REPS1: variants seen among roughly 807,000 people sequenced by gnomAD.
REPS1 encodes the protein RALBP1 associated Eps domain containing 1, also known as ralBP1-associated Eps domain-containing protein 1.
A neutral mutation model predicts 100.9 loss-of-function variants in REPS1; 39 were observed. That is an observed-to-expected ratio of 0.39 (90% CI 0.30 to 0.50). The LOEUF (loss-of-function observed/expected upper bound fraction) is 0.50, where lower values mean the gene tolerates loss of function less well. REPS1 is among the 20% of genes least tolerant of loss of function. The pLI, the probability that REPS1 is intolerant of heterozygous loss-of-function variation, is 0.86. For synonymous variants in REPS1, 324 were observed against 340.3 expected, an observed-to-expected ratio of 0.95 and a Z score of 0.53; for missense variants, 821 against 968.5, an observed-to-expected ratio of 0.85 and a Z score of 2.02.
chr6:138,945,287 C>T lies in REPS1; in HGVS notation c.560G>A (p.Gly187Asp). The T allele has an allele frequency of 1.2e-6, 2 of 1,611,748 alleles. No homozygotes were observed. The highest frequency in any genetic ancestry group is 1.7e-6 in the Non-Finnish European group (2 of 1,179,506). ...CGCGAGAGGCCTCTCACTATTCCCA[C>T]CGCTGGGATGACGGCTGTGCTTCCT... is the stretch of plus-strand genomic sequence containing the variant. Reference protein sequence around the residue: ...TWRKHSRHPSGGNSERPLAGP... With the variant: ...TWRKHSRHPSDGNSERPLAGP... The change falls in exon 4 of 20, where the codon GGT (glycine) becomes GAT (aspartate). Residue 187 changes from glycine (G) to aspartate (D), a missense_variant. Around this residue, in one of 3 missense-constraint regions of REPS1, gnomAD observed 757 missense variants for 866.4 expected, o/e 0.87. Transcript: ENST00000450536.
intron 1 of REPS1, among the ~76,000 whole-genome samples, chr6:138,971,864 A>G (rs903190286): frequency 2.0e-5 from 3 of 152,206 alleles, no homozygotes; most frequent in South Asian, 2.1e-4. Context: ...GCTTTAAGTC[A>G]TCATCCCAAT....
In REPS1 at chr6:138,944,573, A is replaced by C; in HGVS notation, c.678T>G (p.Pro226=). 1 of 1,614,050 alleles carries C rather than the reference A, an allele frequency of 6.2e-7. No homozygotes were observed. The change falls in exon 5 of 20, where the codon CCT becomes CCG. Residue 226 remains proline (P), a synonymous_variant. Coordinates refer to ENST00000450536, the MANE Select transcript of REPS1 (RefSeq NM_001286611.2). ...AVWSGHSPPP[P]QENWVSFADT... is the part of the protein sequence containing the mutation. ...CTGCAAAACTGACCCAGTTTTCTTG[A>C]GGTGGAGGTGGGGAATGCCCTGACC...
Position 138,921,129 on chromosome 6 carries a change from A to C in REPS1, c.1339-5T>G. The C allele has an allele frequency of 7.0e-6, 11 of 1,563,142 alleles. No homozygotes were observed. The highest frequency in any genetic ancestry group is 9.6e-6 in the Non-Finnish European group (11 of 1,140,994). The stretch of plus-strand genomic sequence containing the variant: ...TGGATGAACAATAGCAGTATCCTAG[A>C]GACAAATGGGAGGAAATAAAGAATT... On this transcript the variant is annotated splice_polypyrimidine_tract_variant and splice_region_variant and intron_variant, in intron 10 of 19. Transcript: ENST00000450536.
intron 2 of REPS1, among the ~76,000 whole-genome samples, chr6:138,947,070 CTCTCT>C (rs1782675389): frequency 1.5e-5 from 2 of 129,902 alleles, no homozygotes; most frequent in Non-Finnish European, 3.4e-5. Context: ...CTCTCTCTCT[CTCTCT>C]CCTGTGGCCA....
intron 1 of REPS1, among the ~76,000 whole-genome samples, chr6:138,967,989 T>C (rs925782668): frequency 2.0e-5 from 3 of 152,160 alleles, no homozygotes; most frequent in Non-Finnish European, 4.4e-5. Context: ...TAACTTACGA[T>C]GGGGTCACAT....
At chr6:138,932,717 T>G (rs2128460320) in intron 8 of REPS1, among the ~76,000 whole-genome samples, 1 of 152,368 alleles carries the variant, frequency 6.6e-6, no homozygotes, top group South Asian at 2.1e-4. Context: ...AACACCATTT[T>G]TCCTGAAAGA....
intron 8 of REPS1, among the ~76,000 whole-genome samples, chr6:138,937,998 T>C (rs963191911): frequency 8.2e-5 from 9 of 109,470 alleles, no homozygotes; most frequent in Non-Finnish European, 1.8e-4. Flanking sequence ...TAGCAGGTCA[T>C]CTTAATCTTT....
At chr6:138,973,770 T>C (rs1784459340) in intron 1 of REPS1, among the ~76,000 whole-genome samples, 1 of 151,862 alleles carries the variant, frequency 6.6e-6, no homozygotes, top group Non-Finnish European at 1.5e-5. Context: ...AAATGAATTA[T>C]CATATATAAA....
At chr6:138,948,042 A>T (rs1782752882) in intron 1 of REPS1, 129 bp from the exon 2 acceptor site, 1 of 657,644 alleles carries the variant, frequency 1.5e-6, no homozygotes, top group Non-Finnish European at 2.2e-6. Flanking sequence ...CTCACAACTG[A>T]CAACCAACTT....
intron 8 of REPS1, among the ~76,000 whole-genome samples, chr6:138,936,643 G>A (rs567679862): frequency 2.0e-5 from 3 of 151,426 alleles, no homozygotes; most frequent in African/African-American, 4.9e-5. Context: ...AGAGGTGGGA[G>A]GTAATTTCTT....
intron 10 of REPS1, among the ~76,000 whole-genome samples, chr6:138,924,986 A>C (rs1384186559): frequency 6.6e-6 from 1 of 152,226 alleles, no homozygotes; most frequent in African/African-American, 2.4e-5. Context: ...AAAATTGTAC[A>C]TTATCTGTTT....
chr6:138,919,246 A>T (rs1780599321), intron 12 of REPS1, among the ~76,000 whole-genome samples: 2 of 152,108 alleles, frequency 1.3e-5, no homozygotes, highest in African/African-American at 2.4e-5. Context: ...CAATGTACAC[A>T]ATATAGCCAG....
intron 1 of REPS1, among the ~76,000 whole-genome samples, chr6:138,961,386 G>A (rs780038161): frequency 2.6e-5 from 4 of 152,018 alleles, no homozygotes; most frequent in Non-Finnish European, 4.4e-5. Context: ...ACAGACGCCC[G>A]CCACCACGCC....
Position 138,945,498 on chromosome 6 carries a change from T to C in REPS1, c.474+3A>G, listed in dbSNP as rs755482030. 1.9e-6 allele frequency: 3 copies of C among 1,596,438 alleles called. No homozygotes were observed. The highest frequency in any genetic ancestry group is 2.7e-5 in the African/African-American group (2 of 74,220). ...CTGCTAATATTTACATGCATGTGAT[T>C]ACCTGTGCATCTGCAGATGTACGAG... On this transcript the variant is annotated splice_donor_region_variant and intron_variant, in intron 3 of 19. Coordinates refer to ENST00000450536, the MANE Select transcript of REPS1 (RefSeq NM_001286611.2).
chr6:138,968,273 A>G (rs1234968107), intron 1 of REPS1, among the ~76,000 whole-genome samples: 1 of 152,266 alleles, frequency 6.6e-6, no homozygotes, highest in Admixed American at 6.5e-5. Flanking sequence ...AGCTGACTAA[A>G]TGAAAATAAA....
chr6:138,935,315 T>C (rs1165001341), intron 8 of REPS1, among the ~76,000 whole-genome samples: 1 of 152,230 alleles, frequency 6.6e-6, no homozygotes. Context: ...GCTGAGTTTT[T>C]ACAGTATTTA....
At chr6:138,934,038 C>T (rs889795766) in intron 8 of REPS1, among the ~76,000 whole-genome samples, 2 of 152,166 alleles carry the variant, frequency 1.3e-5, no homozygotes, top group Non-Finnish European at 2.9e-5. Flanking sequence ...TAGCAAATTA[C>T]GCATTGCTTC....
intron 10 of REPS1, among the ~76,000 whole-genome samples, chr6:138,922,315 A>G (rs1420365794): frequency 1.3e-5 from 2 of 152,222 alleles, no homozygotes; most frequent in Non-Finnish European, 2.9e-5. Flanking sequence ...ATTTAGCATG[A>G]AACTGCCACA....
chr6:138,918,551 T>A (rs1780557880), intron 12 of REPS1, among the ~76,000 whole-genome samples: 1 of 152,228 alleles, frequency 6.6e-6, no homozygotes, highest in Non-Finnish European at 1.5e-5. Context: ...AGTGAGAATA[T>A]GAATAATTAT....
Sources: allele counts gnomAD v4.1 joint callset (sites outside exome capture counted in the v4.1 genomes callset), GRCh38; gene constraint gnomAD v4.1.1; regional missense constraint gnomAD v4.1.1; transcripts MANE v1.5; gene names NCBI Gene and HGNC (gene_info 2026-07-23, HGNC 2026-07-21).